PLCH1: variants seen among roughly 807,000 people sequenced by gnomAD.
PLCH1 encodes 1-phosphatidylinositol 4,5-bisphosphate phosphodiesterase eta-1.
PLCH1 carries 60 observed loss-of-function variants against 126.7 expected under a neutral mutation model. The observed-to-expected ratio is 0.47, with a 90% CI of 0.38 to 0.59. The LOEUF is 0.59. Among genes scored for constraint, PLCH1 ranks in the 20% least tolerant of loss-of-function variants. The pLI, the probability that PLCH1 is intolerant of heterozygous loss-of-function variation, is 0.00. For missense variants in PLCH1, 1,723 were observed against 2,040.0 expected, an observed-to-expected ratio of 0.84 and a Z score of 2.99; for synonymous variants, 719 against 734.9, an observed-to-expected ratio of 0.98 and a Z score of 0.35.
At chr3:155,663,669 C>T (rs539875329) in intron 2 of PLCH1, among the ~76,000 whole-genome samples, 5 of 152,258 alleles carry the variant, frequency 3.3e-5, no homozygotes, top group African/African-American at 9.6e-5. Context: ...CTTATTTACC[C>T]AGCTATCCTT....
intron 19 of PLCH1, among the ~76,000 whole-genome samples, chr3:155,490,407 T>C (rs1716000667): frequency 6.6e-6 from 1 of 152,104 alleles, no homozygotes; most frequent in Non-Finnish European, 1.5e-5. Flanking sequence ...TGAGAAATTA[T>C]CAAGACACAT....
chr3:155,470,311 G>A (rs1401389752), intron 21 of PLCH1, among the ~76,000 whole-genome samples: 1 of 152,292 alleles, frequency 6.6e-6, no homozygotes, highest in Non-Finnish European at 1.5e-5. Flanking sequence ...CGATCAACTG[G>A]AAGAAAGGGT....
intron 1 of PLCH1, among the ~76,000 whole-genome samples, chr3:155,713,441 C>T (rs1747289628): frequency 6.6e-6 from 1 of 152,066 alleles, no homozygotes; most frequent in African/African-American, 2.4e-5. Flanking sequence ...CTACTTGGAC[C>T]AAGTTCAGAA....
chr3:155,706,630 A>C (rs1397882350), intron 1 of PLCH1, among the ~76,000 whole-genome samples: 5 of 148,984 alleles, frequency 3.4e-5, no homozygotes, highest in Admixed American at 1.4e-4. Context: ...AAAAAAAAAA[A>C]ATCTGCAAAT....
intron 13 of PLCH1, among the ~76,000 whole-genome samples, chr3:155,502,611 A>T (rs1427458675): frequency 6.6e-6 from 1 of 152,232 alleles, no homozygotes; most frequent in Non-Finnish European, 1.5e-5. Flanking sequence ...ATTAGAAATA[A>T]GAAATGAATC....
At position 155,710,796 on chromosome 3, in the gene PLCH1, A is replaced by G. The variant is rs183307382; in HGVS notation, c.-40-6532T>C. On this transcript the variant is annotated intron_variant, in intron 1 of 22. Coordinates refer to ENST00000460012, the MANE Select transcript of PLCH1 (RefSeq NM_014996.4). ...TGCAGTGAGCTGAGATCGTGCCACT[A>G]TACTCCAGCCTGGGCAACAGAGCAA... Among the ~76,000 whole-genome samples, 552 of 151,368 alleles carry G rather than the reference A, an allele frequency of 3.6e-3. 1 individual carries two copies. Among genetic ancestry groups the G allele is most frequent in the Non-Finnish European group, 6.2e-3 (418 of 67,872 alleles).
intron 2 of PLCH1, among the ~76,000 whole-genome samples, chr3:155,597,332 C>T (rs137950329): frequency 1.3e-5 from 2 of 152,350 alleles, no homozygotes; most frequent in African/African-American, 2.4e-5. Flanking sequence ...GTTGGCTACT[C>T]TAAGATGTGA....
At chr3:155,573,418 A>C (rs1238989730) in intron 6 of PLCH1, among the ~76,000 whole-genome samples, 1 of 152,224 alleles carries the variant, frequency 6.6e-6, no homozygotes, top group Non-Finnish European at 1.5e-5. Flanking sequence ...GTAGGGTGGC[A>C]AGTCAGACTG....
chr3:155,537,671 A>G (rs11924434), intron 10 of PLCH1, among the ~76,000 whole-genome samples: 2,854 of 152,266 alleles, frequency 0.019, 95 homozygotes, highest in African/African-American at 0.065. Context: ...TACCATGATA[A>G]AAGAACTAGT....
At chr3:155,611,588 C>A (rs1418506061) in intron 2 of PLCH1, among the ~76,000 whole-genome samples, 1 of 152,078 alleles carries the variant, frequency 6.6e-6, no homozygotes, top group Admixed American at 6.5e-5. Context: ...TTCAATCCTC[C>A]ACTGACAGCA....
At chr3:155,470,951 A>G (rs954634478) in intron 21 of PLCH1, among the ~76,000 whole-genome samples, 13 of 152,148 alleles carry the variant, frequency 8.5e-5, no homozygotes, top group Non-Finnish European at 1.2e-4. Context: ...AGGAACAACC[A>G]GTACCAGCTA....
chr3:155,602,684 T>A (rs1363183123), intron 2 of PLCH1, among the ~76,000 whole-genome samples: 1 of 152,188 alleles, frequency 6.6e-6, no homozygotes. Flanking sequence ...TAAATATTTG[T>A]GTATCTAAAC....
chr3:155,559,712 G>A (rs915988114), intron 8 of PLCH1, among the ~76,000 whole-genome samples: 50 of 152,122 alleles, frequency 3.3e-4, no homozygotes, highest in Non-Finnish European at 6.5e-4. Flanking sequence ...GCATAGCCTC[G>A]TTTGTACAAG....
At chr3:155,740,267 C>T (rs767455615) in intron 1 of PLCH1, among the ~76,000 whole-genome samples, 1 of 151,906 alleles carries the variant, frequency 6.6e-6, no homozygotes, top group Non-Finnish European at 1.5e-5. Flanking sequence ...AAAAATTAGC[C>T]GGGCATGATG....
At chr3:155,676,480 G>A (rs1222877671) in intron 2 of PLCH1, 1 of 793,388 alleles carries the variant, frequency 1.3e-6, no homozygotes, top group African/African-American at 1.9e-5. Flanking sequence ...CACCTTCAGA[G>A]GTCATTGAGA....
chr3:155,547,820 C>T (rs921557846), intron 10 of PLCH1, among the ~76,000 whole-genome samples: 3 of 141,080 alleles, frequency 2.1e-5, no homozygotes, highest in Non-Finnish European at 4.5e-5. Flanking sequence ...TATTCTCACT[C>T]ATAGGTGGGA....
rs1487881339 is a variant in PLCH1, at chr3:155,480,728, T to C, written c.*240A>G. The C allele has an allele frequency of 3.0e-5, 14 of 467,958 alleles. No individual in the cohort carries two copies. In the East Asian group the frequency reaches 5.0e-4, roughly 17 times the overall value. The allele number at this position is 467,958 out of a possible 1,614,324, so 29.0% of individuals were successfully genotyped here. A position where few individuals can be genotyped will look rare whatever the true frequency, so the allele number is the denominator to read the frequency against. ...TTTCACATCTAGGGCATGCACATAT[T>C]TCATACTGATACAGTTTACAACAAC... is the stretch of plus-strand genomic sequence containing the variant. On this transcript the variant is annotated 3_prime_UTR_variant, in exon 23 of 23. Coordinates refer to ENST00000460012, the MANE Select transcript of PLCH1 (RefSeq NM_014996.4).
chr3:155,517,387 T>C (rs1334271027), intron 11 of PLCH1, among the ~76,000 whole-genome samples: 1 of 152,138 alleles, frequency 6.6e-6, no homozygotes, highest in Non-Finnish European at 1.5e-5. Context: ...ACAATAGAAA[T>C]GTACTTATTT....
intron 21 of PLCH1, among the ~76,000 whole-genome samples, chr3:155,468,326 GA>G (rs1224997832): frequency 5.3e-5 from 8 of 152,088 alleles, no homozygotes. Context: ...GGGGAAGACA[GA>G]AAGGAAAGAA....
Sources: gnomAD v4.1 joint callset for allele counts (sites outside exome capture counted in the v4.1 genomes callset) on GRCh38, gnomAD v4.1.1 for gene constraint, MANE v1.5 for transcripts, NCBI Gene and HGNC (gene_info 2026-07-23, HGNC 2026-07-21) for gene names.